Variants in ERBB4 observed in about 807,000 individuals in gnomAD.
ERBB4 encodes the protein receptor tyrosine-protein kinase erbB-4.
In ERBB4, 42 loss-of-function variants were observed where a neutral mutation model predicts 158.0. That is an observed-to-expected ratio of 0.27 (90% CI 0.21 to 0.34). The LOEUF (loss-of-function observed/expected upper bound fraction) is 0.34. Among genes scored for constraint, ERBB4 ranks in the 10% least tolerant of loss-of-function variants. The pLI is 1.00. For missense variants in ERBB4, 1,333 were observed against 1,624.1 expected (o/e 0.82, Z 3.08); for synonymous variants, 583 against 558.7 (o/e 1.04, Z -0.61).
chr2:212,387,193 G>T (rs1191605512), intron 1 of ERBB4, among the ~76,000 whole-genome samples: 5 of 152,068 alleles, frequency 3.3e-5, no homozygotes, highest in African/African-American at 1.2e-4. Context: ...TTTTGGTTTG[G>T]TGTATGGAAC....
intron 19 of ERBB4, among the ~76,000 whole-genome samples, chr2:211,570,166 T>G (rs1398864775): frequency 6.6e-6 from 1 of 152,126 alleles, no homozygotes; most frequent in African/African-American, 2.4e-5. Flanking sequence ...ATTATTTTGT[T>G]TTTGAGACGG....
At chr2:212,077,144 T>G (rs2078299077) in intron 2 of ERBB4, among the ~76,000 whole-genome samples, 1 of 151,952 alleles carries the variant, frequency 6.6e-6, no homozygotes. Context: ...TAAAACCAAG[T>G]TAGCAAAGAT....
intron 18 of ERBB4, among the ~76,000 whole-genome samples, chr2:211,621,397 CTTT>C (rs2069596619): frequency 6.6e-6 from 1 of 151,850 alleles, no homozygotes; most frequent in African/African-American, 2.4e-5. Context: ...AAGAATAATC[CTTT>C]ATAGTTTAAG....
chr2:212,450,654 TG>T (rs1415948526), intron 1 of ERBB4, among the ~76,000 whole-genome samples: 1 of 152,162 alleles, frequency 6.6e-6, no homozygotes. Context: ...TGAGCCACTA[TG>T]TTCTTAGTAA....
chr2:212,355,570 T>C (rs1214294310), intron 1 of ERBB4, among the ~76,000 whole-genome samples: 1 of 152,022 alleles, frequency 6.6e-6, no homozygotes, highest in Non-Finnish European at 1.5e-5. Context: ...GGCTGCTCGT[T>C]ATTGTAATAG....
intron 1 of ERBB4, among the ~76,000 whole-genome samples, chr2:212,214,726 TTA>T (rs2083044234): frequency 6.6e-6 from 1 of 151,634 alleles, no homozygotes; most frequent in Admixed American, 6.6e-5. Flanking sequence ...TATGTAAAAC[TTA>T]TGACTTAATA....
chr2:211,886,705 C>T (rs1388961040), intron 3 of ERBB4, among the ~76,000 whole-genome samples: 6 of 152,126 alleles, frequency 3.9e-5, no homozygotes, highest in Admixed American at 3.3e-4. Flanking sequence ...GAAAGAAATG[C>T]CATTAATCGT....
chr2:211,673,625 C>A lies in ERBB4; in HGVS notation c.1623-368G>T, dbSNP rs114192230. On this transcript the variant is annotated intron_variant, in intron 13 of 27. Coordinates refer to ENST00000342788, the MANE Select transcript of ERBB4 (RefSeq NM_005235.3). ...TTTTGTCTTTATATACAATTTTACTCTTGGAGAAGCTTTTATTTCTAAACT... is the reference window on the plus strand; with the variant it reads ...TTTTGTCTTTATATACAATTTTACTATTGGAGAAGCTTTTATTTCTAAACT... Among the ~76,000 whole-genome samples, 624 of 150,146 alleles carry A rather than the reference C, an allele frequency of 4.2e-3. 5 individuals carry two copies. Among genetic ancestry groups the A allele is most frequent in the African/African-American group, 0.014 (592 of 40,896 alleles).
At chr2:212,504,405 A>G (rs547693208) in intron 1 of ERBB4, among the ~76,000 whole-genome samples, 1 of 152,224 alleles carries the variant, frequency 6.6e-6, no homozygotes, top group East Asian at 1.9e-4. Flanking sequence ...ATAGATAATC[A>G]CACTGGAATT....
intron 1 of ERBB4, among the ~76,000 whole-genome samples, chr2:212,234,589 C>T (rs2083786869): frequency 6.6e-6 from 1 of 152,150 alleles, no homozygotes; most frequent in Non-Finnish European, 1.5e-5. Flanking sequence ...ACTAATTACA[C>T]TCCCACCAAC....
intron 1 of ERBB4, among the ~76,000 whole-genome samples, chr2:212,259,037 T>C (rs1026772545): frequency 1.3e-5 from 2 of 152,150 alleles, no homozygotes; most frequent in Admixed American, 6.5e-5. Flanking sequence ...AATTGGAGCA[T>C]CTAGGAGGTG....
chr2:212,365,118 T>C (rs1456992265), intron 1 of ERBB4, among the ~76,000 whole-genome samples: 3 of 151,670 alleles, frequency 2.0e-5, no homozygotes, highest in African/African-American at 7.2e-5. Flanking sequence ...AGCCTTTCTG[T>C]CATTCACAAT....
At chr2:212,051,349 G>C (rs1266912039) in intron 2 of ERBB4, among the ~76,000 whole-genome samples, 1 of 151,964 alleles carries the variant, frequency 6.6e-6, no homozygotes, top group Non-Finnish European at 1.5e-5. Flanking sequence ...TTTAGATGTG[G>C]GGATTAAAAG....
intron 1 of ERBB4, among the ~76,000 whole-genome samples, chr2:212,302,807 A>C (rs2086669294): frequency 6.6e-6 from 1 of 151,550 alleles, no homozygotes; most frequent in African/African-American, 2.4e-5. Flanking sequence ...AACACACATG[A>C]GCATGTATTT....
In ERBB4 at chr2:212,198,518, T is replaced by C. The variant is rs557545220; in HGVS notation, c.83-73615A>G. Among the ~76,000 whole-genome samples, 6 of 152,318 alleles carry C rather than the reference T, an allele frequency of 3.9e-5. No homozygotes were observed. The South Asian group carries it at 1.2e-3, about 32-fold the overall frequency. The stretch of plus-strand genomic sequence containing the variant: ...CTTATGTCTTAAATGGTCAATCGTA[T>C]TGTAGTATGTGTTAGAATTCAATCC... On this transcript the variant is annotated intron_variant, in intron 1 of 27. Coordinates refer to ENST00000342788, the MANE Select transcript of ERBB4 (RefSeq NM_005235.3).
chr2:212,327,525 T>C (rs1341249946), intron 1 of ERBB4, among the ~76,000 whole-genome samples: 4 of 151,804 alleles, frequency 2.6e-5, no homozygotes, highest in Admixed American at 1.3e-4. Context: ...CAGATCTACA[T>C]GTTTTGCTTG....
rs982659762 is a variant in ERBB4 at position 212,389,441 on chromosome 2, T to C, written c.82+149008A>G. On this transcript the variant is annotated intron_variant, in intron 1 of 27. Transcript: ENST00000342788. ...ATATGATATCAAAAGCAAAACTACA[T>C]CTAATATTTTCCTTATTTTCTTGTT... Among the ~76,000 whole-genome samples the C allele has an allele frequency of 4.6e-5, 7 of 151,978 alleles. No homozygotes were observed. The Admixed American group carries it at 4.6e-4, about 10-fold the overall frequency.
intron 20 of ERBB4, among the ~76,000 whole-genome samples, chr2:211,507,487 C>A (rs900741634): frequency 1.3e-5 from 2 of 152,106 alleles, no homozygotes; most frequent in Admixed American, 6.5e-5. Flanking sequence ...CATTGCCCAA[C>A]TTCAAGCTAT....
intron 5 of ERBB4, among the ~76,000 whole-genome samples, chr2:211,740,061 T>A (rs1275989313): frequency 6.6e-6 from 1 of 152,186 alleles, no homozygotes; most frequent in Non-Finnish European, 1.5e-5. Flanking sequence ...TCAATGAAAT[T>A]ACATACTTCT....
Sources: gnomAD v4.1 joint callset for allele counts (sites outside exome capture counted in the v4.1 genomes callset) on GRCh38, gnomAD v4.1.1 for gene constraint, MANE v1.5 for transcripts, NCBI Gene and HGNC (gene_info 2026-07-23, HGNC 2026-07-21) for gene names.